The following FOXN2 variants were observed in gnomAD, a reference collection of about 807,000 sequenced individuals.
The protein encoded by FOXN2 is forkhead box N2.
Under a neutral mutation model 41.2 loss-of-function variants are expected in FOXN2, and 19 were observed. The ratio of observed to expected loss-of-function variants is 0.46; its 90% confidence interval spans 0.32 to 0.68. FOXN2 has a LOEUF of 0.68. FOXN2 is among the 30% of genes least tolerant of loss of function. The probability of loss-of-function intolerance (pLI) is 0.03; values close to 1 mark genes in which losing one functional copy is unlikely to be tolerated. For synonymous variants in FOXN2, 195 were observed against 176.8 expected (o/e 1.10, Z -0.82); for missense variants, 587 against 509.4 (o/e 1.15, Z -1.47).
chr2:48,333,499 A>G (rs1207099653), intron 2 of FOXN2, among the ~76,000 whole-genome samples: 1 of 152,164 alleles, frequency 6.6e-6, no homozygotes, highest in Non-Finnish European at 1.5e-5. Flanking sequence ...GTTAAACCAC[A>G]GATAGACAAA....
At chr2:48,330,905 A>G (rs758554536) in intron 2 of FOXN2, among the ~76,000 whole-genome samples, 36 of 152,186 alleles carry the variant, frequency 2.4e-4, no homozygotes, top group Non-Finnish European at 4.7e-4. Context: ...AGATGCTGCC[A>G]TATAGTTTGA....
At chr2:48,341,463 C>T (rs531393900) in intron 2 of FOXN2, among the ~76,000 whole-genome samples, 12 of 152,048 alleles carry the variant, frequency 7.9e-5, no homozygotes, top group African/African-American at 2.4e-4. Context: ...AACCAGAATG[C>T]TAACAAAAAT....
At chr2:48,368,674 G>A (rs974553876) in intron 5 of FOXN2, among the ~76,000 whole-genome samples, 2 of 152,132 alleles carry the variant, frequency 1.3e-5, no homozygotes, top group Non-Finnish European at 2.9e-5. Context: ...CTTGGACAAC[G>A]GAGTGAGACC....
At chr2:48,358,749 G>A (rs1378828621) in intron 3 of FOXN2, among the ~76,000 whole-genome samples, 4 of 152,186 alleles carry the variant, frequency 2.6e-5, no homozygotes, top group African/African-American at 9.7e-5. Context: ...TGTTAATGTA[G>A]TCGTAAAGGT....
chr2:48,323,725 C>T (rs544006129), intron 1 of FOXN2, among the ~76,000 whole-genome samples: 68 of 152,030 alleles, frequency 4.5e-4, no homozygotes, highest in Non-Finnish European at 8.1e-4. Context: ...AGCTTTTTAG[C>T]TGATTAAGGT....
chr2:48,330,948 G>A (rs993713221), intron 2 of FOXN2, among the ~76,000 whole-genome samples: 2 of 152,102 alleles, frequency 1.3e-5, no homozygotes, highest in Non-Finnish European at 2.9e-5. Flanking sequence ...GCATGGAACC[G>A]GCTACAGTCT....
intron 2 of FOXN2, among the ~76,000 whole-genome samples, chr2:48,340,489 C>T (rs936164938): frequency 1.3e-5 from 2 of 151,920 alleles, no homozygotes; most frequent in Non-Finnish European, 2.9e-5. Flanking sequence ...TGTTAGACAC[C>T]TTAGGAGATG....
At chr2:48,323,346 C>T (rs1572696305) in intron 1 of FOXN2, among the ~76,000 whole-genome samples, 1 of 152,122 alleles carries the variant, frequency 6.6e-6, no homozygotes, top group East Asian at 1.9e-4. Flanking sequence ...ACTTTACATT[C>T]CCACCAACAG....
chr2:48,365,415 C>G (rs772972035), intron 5 of FOXN2, among the ~76,000 whole-genome samples: 1 of 152,264 alleles, frequency 6.6e-6, no homozygotes, highest in East Asian at 1.9e-4. Flanking sequence ...TCAATAAAGT[C>G]TGACACTTAT....
chr2:48,355,649 A>C (rs1671746972), intron 3 of FOXN2, among the ~76,000 whole-genome samples: 1 of 152,110 alleles, frequency 6.6e-6, no homozygotes, highest in African/African-American at 2.4e-5. Flanking sequence ...ACTTAGTTGC[A>C]CTAAATGTTA....
chr2:48,351,487 C>T (rs796301883), intron 3 of FOXN2, among the ~76,000 whole-genome samples: 1 of 152,106 alleles, frequency 6.6e-6, no homozygotes, highest in Non-Finnish European at 1.5e-5. Context: ...ACAGTGGTCC[C>T]CAAACTTTTG....
chr2:48,321,624 A>G (rs924063260), intron 1 of FOXN2, among the ~76,000 whole-genome samples: 3 of 152,040 alleles, frequency 2.0e-5, no homozygotes, highest in Admixed American at 6.6e-5. Context: ...TAAGGGTAAA[A>G]GTATTATTTA....
At chr2:48,373,418 G>C (rs1483528144) in intron 6 of FOXN2, 58 bp downstream of exon 6, 3 of 990,106 alleles carry the variant, frequency 3.0e-6, no homozygotes, top group African/African-American at 1.7e-5. Flanking sequence ...ATTTAACCTA[G>C]ACTATAAAAT....
intron 2 of FOXN2, among the ~76,000 whole-genome samples, chr2:48,335,706 A>G (rs1558618358): frequency 6.6e-6 from 1 of 152,244 alleles, no homozygotes; most frequent in Non-Finnish European, 1.5e-5. Context: ...GACTCCATAA[A>G]TAATAATAGC....
At chr2:48,362,820 A>T in intron 5 of FOXN2, 113 bp downstream of exon 5, 2 of 836,984 alleles carry the variant, frequency 2.4e-6, no homozygotes, top group Non-Finnish European at 3.9e-6. Flanking sequence ...AAAAATTTCT[A>T]TTGCCTGGTG....
At chr2:48,349,555 C>T (rs1671321151) in intron 3 of FOXN2, among the ~76,000 whole-genome samples, 1 of 152,150 alleles carries the variant, frequency 6.6e-6, no homozygotes, top group Non-Finnish European at 1.5e-5. Flanking sequence ...TGGCGGTTCA[C>T]CTGAGGTTGG....
At chr2:48,318,244 C>T (rs550008531) in intron 1 of FOXN2, among the ~76,000 whole-genome samples, 3 of 152,246 alleles carry the variant, frequency 2.0e-5, no homozygotes, top group South Asian at 2.1e-4. Flanking sequence ...ATTCCTATTT[C>T]GCTAATTTTT....
chr2:48,329,817 AG>A (rs1669916838), intron 2 of FOXN2, among the ~76,000 whole-genome samples: 1 of 152,126 alleles, frequency 6.6e-6, no homozygotes, highest in African/African-American at 2.4e-5. Context: ...AAAGGTTGTG[AG>A]TTCCTTCCTT....
intron 1 of FOXN2, among the ~76,000 whole-genome samples, chr2:48,320,270 T>C (rs1020071973): frequency 1.3e-5 from 2 of 152,114 alleles, no homozygotes; most frequent in Non-Finnish European, 2.9e-5. Context: ...ATAGTTATAC[T>C]AGACATATGA....
Sources: allele counts gnomAD v4.1 joint callset (sites outside exome capture counted in the v4.1 genomes callset), GRCh38; gene constraint gnomAD v4.1.1; transcripts MANE v1.5; gene names NCBI Gene and HGNC (gene_info 2026-07-23, HGNC 2026-07-21).